Variants in SV2B observed in about 807,000 individuals in gnomAD.
SV2B encodes synaptic vesicle glycoprotein 2B.
Under a neutral mutation model 73.9 loss-of-function variants are expected in SV2B, and 41 were observed. The observed-to-expected ratio is 0.56, with a 90% CI of 0.43 to 0.72. The LOEUF (loss-of-function observed/expected upper bound fraction) is 0.72, where lower values mean the gene tolerates loss of function less well. Among genes scored for constraint, SV2B ranks in the 30% least tolerant of loss-of-function variants. The probability of loss-of-function intolerance (pLI) is 0.00; values close to 1 mark genes in which losing one functional copy is unlikely to be tolerated. For synonymous variants in SV2B, 314 were observed against 314.2 expected (o/e 1.00, Z 0.01); for missense variants, 764 against 857.8 (o/e 0.89, Z 1.37).
At chr15:91,175,340 C>T (rs576253508) in intron 1 of SV2B, among the ~76,000 whole-genome samples, 73 of 152,146 alleles carry the variant, frequency 4.8e-4, no homozygotes, top group Non-Finnish European at 9.3e-4. Context: ...CTGCAACCTC[C>T]GCCTCCTGGG....
intron 1 of SV2B, among the ~76,000 whole-genome samples, chr15:91,116,682 G>A (rs1206090938): frequency 6.6e-6 from 1 of 152,172 alleles, no homozygotes; most frequent in Non-Finnish European, 1.5e-5. Context: ...GTCTGGTCAG[G>A]CTTGTACTGA....
At position 91,289,694 on chromosome 15, in the gene SV2B, C is replaced by A; in HGVS notation, c.1868+14C>A. On this transcript the variant is annotated intron_variant, in intron 12 of 12. Coordinates refer to ENST00000394232, the MANE Select transcript of SV2B (RefSeq NM_001323032.3). The surrounding 1 kb of genome is among the most constrained non-coding windows in gnomAD (Gnocchi z 4.9). ...CACCAACCAGAGGTCAGTTCTTCCC[C>A]AGGCTTTCCTCAGGGACTTGTTTGG... 1.9e-6 allele frequency: 3 copies of A among 1,608,610 alleles called. No homozygotes were observed. The highest frequency in any genetic ancestry group is 2.5e-6 in the Non-Finnish European group (3 of 1,177,346).
At chr15:91,221,957 C>G (rs1188247335) in intron 1 of SV2B, among the ~76,000 whole-genome samples, 2 of 152,110 alleles carry the variant, frequency 1.3e-5, no homozygotes, top group Non-Finnish European at 2.9e-5. Flanking sequence ...CTCCCATAAC[C>G]TCCCACTCTT....
Position 91,134,268 on chromosome 15 carries a change from G to T in SV2B, c.-392+33905G>T, listed in dbSNP as rs546407467. On this transcript the variant is annotated intron_variant, in intron 1 of 12. Transcript: ENST00000394232. ...CCACCTCCGCCTCCCAAAGTGCTGG[G>T]ATTACAGGCGTGAGCCACAGGCCCG... Among the ~76,000 whole-genome samples, 21 of 152,242 alleles carry T rather than the reference G, an allele frequency of 1.4e-4. 1 individual carries two copies. Among genetic ancestry groups the T allele is most frequent in the African/African-American group, 5.1e-4 (21 of 41,546 alleles).
chr15:91,164,583 A>G (rs528274689), intron 1 of SV2B, among the ~76,000 whole-genome samples: 8 of 152,228 alleles, frequency 5.3e-5, no homozygotes, highest in Non-Finnish European at 1.0e-4. Context: ...ATTTCTTTAC[A>G]TTAACATCTG....
intron 1 of SV2B, among the ~76,000 whole-genome samples, chr15:91,170,228 C>T (rs1485632893): frequency 1.3e-5 from 2 of 152,034 alleles, no homozygotes; most frequent in African/African-American, 4.8e-5. Flanking sequence ...AAGACAGACA[C>T]CCGAATTTTT....
Position 91,118,779 on chromosome 15 carries a change from A to G in SV2B, c.-392+18416A>G, listed in dbSNP as rs2042247475. On this transcript the variant is annotated intron_variant, in intron 1 of 12. Coordinates refer to ENST00000394232, the MANE Select transcript of SV2B (RefSeq NM_001323032.3). This position sits in a 1 kb window ranked among gnomAD's most constrained non-coding sequence, Gnocchi z 4.7. ...ACATCTCTCTGTCATCATCATCATAATAGCTCTTGCTGTGATTACGCTTCA... is the reference window on the plus strand; with the variant it reads ...ACATCTCTCTGTCATCATCATCATAGTAGCTCTTGCTGTGATTACGCTTCA... 6.6e-6 allele frequency among the ~76,000 whole-genome samples: 1 copy of G among 152,242 alleles called. No homozygotes were observed.
Position 91,261,504 on chromosome 15 carries a change from G to T in SV2B, c.1008+1095G>T, listed in dbSNP as rs2047908808. On this transcript the variant is annotated intron_variant, in intron 6 of 12. Transcript: ENST00000394232. This position sits in a 1 kb window ranked among gnomAD's most constrained non-coding sequence, Gnocchi z 4.7. ...TACTACCTTGTTCCTGTAAATATTA[G>T]TGCAATGAACCTTCTTGTGCACATA... is the stretch of plus-strand genomic sequence containing the variant. 6.6e-6 allele frequency among the ~76,000 whole-genome samples: 1 copy of T among 152,044 alleles called. No homozygotes were observed. Among genetic ancestry groups the T allele is most frequent in the African/African-American group, 2.4e-5 (1 of 41,406 alleles).
At chr15:91,107,354 C>G (rs1480978990) in intron 1 of SV2B, among the ~76,000 whole-genome samples, 1 of 147,316 alleles carries the variant, frequency 6.8e-6, no homozygotes, top group Non-Finnish European at 1.5e-5. Flanking sequence ...CCTTCTATCA[C>G]CAGGCTGGAG....
chr15:91,185,025 C>G (rs868018204), intron 1 of SV2B, among the ~76,000 whole-genome samples: 8 of 152,234 alleles, frequency 5.3e-5, no homozygotes, highest in African/African-American at 1.9e-4. Context: ...GTCACCGGAA[C>G]TTTCTTCTGA....
rs1379706093 is a variant in SV2B, at chr15:91,236,715, T to C, written c.451+10001T>C. Among the ~76,000 whole-genome samples the C allele has an allele frequency of 1.3e-5, 2 of 152,168 alleles. No homozygotes were observed. The highest frequency in any genetic ancestry group is 2.9e-5 in the Non-Finnish European group (2 of 68,032). ...ACCAAAACCTCCATGCCATTTACTT[T>C]GCTTATAAATCTGCAGTCTGGGCAG... On this transcript the variant is annotated intron_variant, in intron 2 of 12. Coordinates refer to ENST00000394232, the MANE Select transcript of SV2B (RefSeq NM_001323032.3). This position sits in a 1 kb window ranked among gnomAD's most constrained non-coding sequence, Gnocchi z 4.1.
chr15:91,292,595 G>A lies in SV2B; in HGVS notation c.*43G>A. The A allele has an allele frequency of 6.3e-7, 1 of 1,581,714 alleles. No homozygotes were observed. The highest frequency in any genetic ancestry group is 8.6e-7 in the Non-Finnish European group (1 of 1,164,986). ...GAAAGGTCGAGAGAATCTTGTCCAG[G>A]ACACTGAAATGCATCCACACTTCCT... On this transcript the variant is annotated 3_prime_UTR_variant, in exon 13 of 13. Coordinates refer to ENST00000394232, the MANE Select transcript of SV2B (RefSeq NM_001323032.3).
At chr15:91,117,750 A>ATACTCAT (rs1468479463) in intron 1 of SV2B, among the ~76,000 whole-genome samples, 16 of 152,360 alleles carry the variant, frequency 1.1e-4, no homozygotes, top group African/African-American at 3.8e-4. Flanking sequence ...GTGCGAAAGT[A>ATACTCAT]TACTCTTCTC....
In SV2B at chr15:91,118,334, G is replaced by A. The variant is rs113567146; in HGVS notation, c.-392+17971G>A. Among the ~76,000 whole-genome samples, 143 of 152,354 alleles carry A rather than the reference G, an allele frequency of 9.4e-4. No homozygotes were observed. The highest frequency in any genetic ancestry group is 3.2e-3 in the African/African-American group (133 of 41,586). On this transcript the variant is annotated intron_variant, in intron 1 of 12. Transcript: ENST00000394232. The surrounding 1 kb of genome is among the most constrained non-coding windows in gnomAD (Gnocchi z 4.7). The stretch of plus-strand genomic sequence containing the variant: ...TGGGGCATAGAAGACATAGAGCCTG[G>A]TGCCTCTTCTAGTCTGGAAATTTTG...
rs1049011654 is a variant in SV2B, at chr15:91,280,582, A to C, written c.1374-1146A>C. 2.0e-5 allele frequency among the ~76,000 whole-genome samples: 3 copies of C among 152,246 alleles called. No individual in the cohort carries two copies. The East Asian group carries it at 5.8e-4, about 29-fold the overall frequency. On this transcript the variant is annotated intron_variant, in intron 9 of 12. Coordinates refer to ENST00000394232, the MANE Select transcript of SV2B (RefSeq NM_001323032.3). The surrounding 1 kb of genome is among the most constrained non-coding windows in gnomAD (Gnocchi z 5.8). The stretch of plus-strand genomic sequence containing the variant: ...CCTAAAAGTTTGACCAAGCTTGTTA[A>C]ATATAGCCAACAGAGGAAGATGGTA...
Position 91,226,098 on chromosome 15 carries a change from G to T in SV2B, c.-166G>T. On this transcript the variant is annotated 5_prime_UTR_variant, in exon 2 of 13. Transcript: ENST00000394232. ...CTTTGCACAAATCTGGTTGATTTGA[G>T]AGATAAAGGGGGGGGGAACCAGTGT... is the stretch of plus-strand genomic sequence containing the variant. The T allele has an allele frequency of 1.5e-6, 1 of 660,376 alleles. No individual in the cohort carries two copies. 40.9% of individuals were successfully genotyped at this position (660,376 alleles called of 1,614,324 possible).
At chr15:91,221,690 T>TGTGCATGCGC (rs142861264) in intron 1 of SV2B, among the ~76,000 whole-genome samples, 1 of 110,940 alleles carries the variant, frequency 9.0e-6, no homozygotes, top group African/African-American at 2.9e-5. Context: ...ACCAAGCATG[T>TGTGCATGCGC]GCGCACACAC....
chr15:91,225,237 G>A (rs2046334296), intron 1 of SV2B, among the ~76,000 whole-genome samples: 1 of 152,198 alleles, frequency 6.6e-6, no homozygotes, highest in African/African-American at 2.4e-5. Flanking sequence ...CCTCATATGA[G>A]GACAGAGTGG....
chr15:91,180,864 T>C (rs1251465662), intron 1 of SV2B, among the ~76,000 whole-genome samples: 1 of 152,256 alleles, frequency 6.6e-6, no homozygotes, highest in Non-Finnish European at 1.5e-5. Context: ...CGGAGTAGTT[T>C]GATCGTCTGA....
Sources: allele counts gnomAD v4.1 joint callset (sites outside exome capture counted in the v4.1 genomes callset), GRCh38; gene constraint gnomAD v4.1.1; non-coding constraint Gnocchi (gnomAD v3.1); transcripts MANE v1.5; gene names NCBI Gene and HGNC (gene_info 2026-07-23, HGNC 2026-07-21).